Variants in GRM1 observed in about 807,000 individuals in gnomAD.
The protein encoded by GRM1 is metabotropic glutamate receptor 1.
Under a neutral mutation model 90.9 loss-of-function variants are expected in GRM1, and 33 were observed. The observed-to-expected ratio is 0.36, with a 90% CI of 0.28 to 0.49. GRM1 has a LOEUF of 0.49. Among genes scored for constraint, GRM1 ranks in the 20% least tolerant of loss-of-function variants. The pLI is 0.99. For synonymous variants in GRM1, 700 were observed against 613.2 expected, an observed-to-expected ratio of 1.14 and a Z score of -2.09; for missense variants, 1,190 against 1,534.3, an observed-to-expected ratio of 0.78 and a Z score of 3.75.
intron 2 of GRM1, among the ~76,000 whole-genome samples, chr6:146,301,759 T>C (rs1202384916): frequency 6.6e-6 from 1 of 152,230 alleles, no homozygotes; most frequent in Non-Finnish European, 1.5e-5. Flanking sequence ...TTGCTCTAGA[T>C]GTAGTTAAGA....
At chr6:146,159,622 C>G (rs1482500650) in intron 2 of GRM1, 25 bp downstream of exon 2, 5 of 1,502,042 alleles carry the variant, frequency 3.3e-6, no homozygotes, top group Admixed American at 1.7e-5. Flanking sequence ...CTCTCTCTCT[C>G]TCTCTCTCTC....
chr6:146,196,094 G>A (rs1044651959), intron 2 of GRM1, among the ~76,000 whole-genome samples: 1 of 152,170 alleles, frequency 6.6e-6, no homozygotes, highest in Non-Finnish European at 1.5e-5. Context: ...GAACAAGGCT[G>A]TTGTTGGTGC....
rs560391345 is a variant in GRM1 at position 146,371,861 on chromosome 6, C to T, written c.1602+14167C>T. 3.3e-5 allele frequency among the ~76,000 whole-genome samples: 5 copies of T among 152,162 alleles called. No homozygotes were observed. In the South Asian group the frequency reaches 1.0e-3, roughly 32 times the overall value. On this transcript the variant is annotated intron_variant, in intron 5 of 7. Transcript: ENST00000282753. The stretch of plus-strand genomic sequence containing the variant: ...TGCATTACCTTTTCTTTAAATTCAC[C>T]TGTTGATGAACATTTAGGTTGCTTC...
Position 146,362,664 on chromosome 6 carries a change from CAAAAAAAAAAAA to C in GRM1, c.1602+4981_1602+4992del, listed in dbSNP as rs11432508. On this transcript the variant is annotated intron_variant, in intron 5 of 7. Coordinates refer to ENST00000282753, the MANE Select transcript of GRM1 (RefSeq NM_001278064.2). ...TAGGTGACAGAGCGAGACTCCATCTCAAAAAAAAAAAAAAAAAAAAAAGACATTTCATCTGAT... is the reference window on the plus strand; with the variant it reads ...TAGGTGACAGAGCGAGACTCCATCTCAAAAAAAAAAGACATTTCATCTGAT... 7.2e-4 allele frequency among the ~76,000 whole-genome samples: 62 copies of C among 86,210 alleles called. 2 individuals are homozygous for C. Among genetic ancestry groups the C allele is most frequent in the African/African-American group, 2.3e-3 (60 of 26,628 alleles). The allele number at this position is 86,210 out of a possible 152,430, so 56.6% of individuals were successfully genotyped here.
intron 1 of GRM1, among the ~76,000 whole-genome samples, chr6:146,143,683 G>A (rs1776982819): frequency 6.6e-6 from 1 of 152,108 alleles, no homozygotes; most frequent in Non-Finnish European, 1.5e-5. Context: ...TAATACACTT[G>A]TAAAAGAAAT....
At chr6:146,181,639 T>C (rs568037794) in intron 2 of GRM1, among the ~76,000 whole-genome samples, 1 of 152,104 alleles carries the variant, frequency 6.6e-6, no homozygotes, top group Non-Finnish European at 1.5e-5. Flanking sequence ...GGCATAATGT[T>C]AGAAATTCAT....
intron 7 of GRM1, among the ~76,000 whole-genome samples, chr6:146,432,827 A>T (rs970998614): frequency 6.6e-6 from 1 of 152,186 alleles, no homozygotes; most frequent in Non-Finnish European, 1.5e-5. Flanking sequence ...GACAGAACAG[A>T]ATTTGGGGTG....
At chr6:146,319,053 CACA>C (rs1375731097) in intron 3 of GRM1, among the ~76,000 whole-genome samples, 1 of 152,156 alleles carries the variant, frequency 6.6e-6, no homozygotes, top group Non-Finnish European at 1.5e-5. Context: ...GTATTTTACT[CACA>C]ACGTCTTTGC....
chr6:146,256,966 A>G (rs976621210), intron 2 of GRM1, among the ~76,000 whole-genome samples: 3 of 152,082 alleles, frequency 2.0e-5, no homozygotes, highest in Non-Finnish European at 4.4e-5. Context: ...GATGAGCTAG[A>G]TGTTTTCCTG....
chr6:146,033,512 G>C (rs56929610), intron 1 of GRM1, among the ~76,000 whole-genome samples: 3,246 of 152,010 alleles, frequency 0.021, 111 homozygotes, highest in African/African-American at 0.074. Context: ...TTTTTGAGTG[G>C]ATAAATTTTC....
chr6:146,381,094 G>T (rs1418154068), intron 5 of GRM1, among the ~76,000 whole-genome samples: 1 of 152,164 alleles, frequency 6.6e-6, no homozygotes, highest in Non-Finnish European at 1.5e-5. Context: ...GGTTAGGGGA[G>T]GTGTGATGCC....
intron 2 of GRM1, among the ~76,000 whole-genome samples, chr6:146,265,986 C>T (rs1481577205): frequency 2.0e-5 from 3 of 152,008 alleles, no homozygotes; most frequent in East Asian, 1.9e-4. Flanking sequence ...GTCAGGAGAG[C>T]GAGACCATCT....
intron 1 of GRM1, among the ~76,000 whole-genome samples, chr6:146,063,276 A>G (rs1273868656): frequency 2.0e-5 from 3 of 152,176 alleles, no homozygotes; most frequent in African/African-American, 7.2e-5. Flanking sequence ...TTAACGGGAA[A>G]ATTTTTTGAA....
intron 2 of GRM1, among the ~76,000 whole-genome samples, chr6:146,267,560 T>C (rs536999467): frequency 4.0e-4 from 60 of 151,392 alleles, no homozygotes; most frequent in African/African-American, 5.6e-4. Context: ...ACTGAAGAAC[T>C]TGGAGTCTGA....
intron 3 of GRM1, among the ~76,000 whole-genome samples, chr6:146,338,838 A>T (rs1217907789): frequency 2.0e-5 from 3 of 152,036 alleles, no homozygotes; most frequent in Non-Finnish European, 4.4e-5. Flanking sequence ...CTCTGTTTGC[A>T]CCACTATCAA....
intron 7 of GRM1, among the ~76,000 whole-genome samples, chr6:146,427,847 G>A (rs907218101): frequency 1.3e-5 from 2 of 152,176 alleles, no homozygotes; most frequent in East Asian, 1.9e-4. Flanking sequence ...GTCTAACCAA[G>A]GACACAGCAA....
intron 7 of GRM1, among the ~76,000 whole-genome samples, chr6:146,421,794 A>T (rs1562689242): frequency 6.6e-6 from 1 of 152,178 alleles, no homozygotes; most frequent in Admixed American, 6.6e-5. Context: ...GTTTTAATAT[A>T]CATGCATGCG....
chr6:146,057,570 C>G (rs1775523350), intron 1 of GRM1, among the ~76,000 whole-genome samples: 1 of 152,082 alleles, frequency 6.6e-6, no homozygotes, highest in African/African-American at 2.4e-5. Flanking sequence ...AGCGAGATAA[C>G]ATACCAATCA....
intron 7 of GRM1, among the ~76,000 whole-genome samples, chr6:146,404,361 C>T (rs1416578518): frequency 6.6e-6 from 1 of 152,000 alleles, no homozygotes; most frequent in Non-Finnish European, 1.5e-5. Context: ...GCCCTGACTG[C>T]ACCAATCTTG....
Sources: gnomAD v4.1 joint callset for allele counts (sites outside exome capture counted in the v4.1 genomes callset) on GRCh38, gnomAD v4.1.1 for gene constraint, MANE v1.5 for transcripts, NCBI Gene and HGNC (gene_info 2026-07-23, HGNC 2026-07-21) for gene names.